Variants in LRRC4C observed in about 807,000 individuals in gnomAD.
LRRC4C encodes the protein leucine rich repeat containing 4C, also known as leucine-rich repeat-containing protein 4C.
In LRRC4C, 5 loss-of-function variants were observed where a neutral mutation model predicts 33.6. The observed-to-expected ratio is 0.15, with a 90% CI of 0.08 to 0.31. The LOEUF (loss-of-function observed/expected upper bound fraction) is 0.31. Among genes scored for constraint, LRRC4C ranks in the 10% least tolerant of loss-of-function variants. The pLI is 1.00. For synonymous variants in LRRC4C, 329 were observed against 302.0 expected (o/e 1.09, Z -0.93); for missense variants, 560 against 796.7 (o/e 0.70, Z 3.58).
chr11:40,878,898 A>G (rs1366515447), intron 2 of LRRC4C, among the ~76,000 whole-genome samples: 1 of 152,132 alleles, frequency 6.6e-6, no homozygotes, highest in Admixed American at 6.6e-5. Flanking sequence ...TCATTTTTCA[A>G]TCTTGGAAGG....
At chr11:41,187,413 A>T (rs571294225) in intron 1 of LRRC4C, among the ~76,000 whole-genome samples, 45 of 152,280 alleles carry the variant, frequency 3.0e-4, no homozygotes, top group African/African-American at 1.0e-3. Context: ...CCAGCAGACC[A>T]CAGACCAGTA....
chr11:40,720,097 C>G (rs1004681307), intron 2 of LRRC4C, among the ~76,000 whole-genome samples: 1 of 152,128 alleles, frequency 6.6e-6, no homozygotes, highest in African/African-American at 2.4e-5. Flanking sequence ...GGGACCCATT[C>G]TCCCAGGACT....
intron 3 of LRRC4C, among the ~76,000 whole-genome samples, chr11:40,602,419 A>G (rs1486061195): frequency 1.3e-5 from 2 of 152,168 alleles, no homozygotes; most frequent in African/African-American, 2.4e-5. Context: ...TTTATGAGAA[A>G]AGAATCAAAG....
At chr11:40,488,569 C>T (rs1339613967) in intron 3 of LRRC4C, among the ~76,000 whole-genome samples, 1 of 152,110 alleles carries the variant, frequency 6.6e-6, no homozygotes, top group Non-Finnish European at 1.5e-5. Context: ...TTTTATTCCT[C>T]CTACATTTGA....
At chr11:40,938,959 CAG>C (rs1958023127) in intron 1 of LRRC4C, among the ~76,000 whole-genome samples, 3 of 151,852 alleles carry the variant, frequency 2.0e-5, no homozygotes, top group Admixed American at 6.6e-5. Context: ...CTGGGACAAA[CAG>C]AGAAAATATT....
Position 40,739,007 on chromosome 11 carries a change from T to TTGTG in LRRC4C, c.-406-90733_-406-90730dup, listed in dbSNP as rs72411974. On this transcript the variant is annotated intron_variant, in intron 2 of 6. Coordinates refer to ENST00000528697, the MANE Select transcript of LRRC4C (RefSeq NM_001258419.2). ...TATCTGTCACTGCACATAATTGCTA[T>TTGTG]TGTGTGTGTGTGTGTGTGTGTATGT... Among the ~76,000 whole-genome samples the TTGTG allele has an allele frequency of 1.8e-3, 262 of 149,188 alleles. 1 individual carries two copies. The highest frequency in any genetic ancestry group is 4.7e-3 in the African/African-American group (187 of 39,768).
intron 5 of LRRC4C, among the ~76,000 whole-genome samples, chr11:40,153,203 G>A (rs1565060348): frequency 6.6e-6 from 1 of 152,178 alleles, no homozygotes; most frequent in Non-Finnish European, 1.5e-5. Context: ...AATCACTGCA[G>A]TTTGGCTCAC....
chr11:41,392,565 A>C (rs1240076172), intron 1 of LRRC4C, among the ~76,000 whole-genome samples: 2 of 151,566 alleles, frequency 1.3e-5, no homozygotes, highest in African/African-American at 2.4e-5. Context: ...AAACAAACAA[A>C]AAAAAAAACA....
intron 1 of LRRC4C, among the ~76,000 whole-genome samples, chr11:41,140,773 C>G (rs1943469621): frequency 8.0e-6 from 1 of 124,710 alleles, no homozygotes; most frequent in African/African-American, 2.9e-5. Context: ...AAATTATCCT[C>G]TCCCCTAGTT....
intron 6 of LRRC4C, among the ~76,000 whole-genome samples, chr11:40,135,331 T>C (rs1467278156): frequency 6.6e-6 from 1 of 152,242 alleles, no homozygotes; most frequent in Non-Finnish European, 1.5e-5. Flanking sequence ...GAACCAAGTT[T>C]TCTTTTTTGC....
intron 3 of LRRC4C, among the ~76,000 whole-genome samples, chr11:40,420,324 A>G (rs1565370204): frequency 6.6e-6 from 1 of 152,152 alleles, no homozygotes; most frequent in East Asian, 1.9e-4. Context: ...TCTGGAAGAC[A>G]ACAGACCCCT....
chr11:40,743,300 A>C (rs192245418), intron 2 of LRRC4C, among the ~76,000 whole-genome samples: 2 of 152,016 alleles, frequency 1.3e-5, no homozygotes, highest in Admixed American at 1.3e-4. Context: ...AATTTCTCTT[A>C]TGCTCCCCTC....
chr11:41,112,964 A>G (rs16935350), intron 1 of LRRC4C, among the ~76,000 whole-genome samples: 5,946 of 152,162 alleles, frequency 0.039, 142 homozygotes, highest in Middle Eastern at 0.071. Flanking sequence ...ATTAGCGTAT[A>G]TTGGGTTAAA....
At chr11:41,316,755 C>G (rs1449846283) in intron 1 of LRRC4C, among the ~76,000 whole-genome samples, 1 of 152,184 alleles carries the variant, frequency 6.6e-6, no homozygotes, top group Non-Finnish European at 1.5e-5. Flanking sequence ...AAAGCAGTTA[C>G]TTTAATACTT....
rs144774706 is a variant in LRRC4C, at chr11:40,701,633, A to AAT, written c.-406-53357_-406-53356dup. On this transcript the variant is annotated intron_variant, in intron 2 of 6. Coordinates refer to ENST00000528697, the MANE Select transcript of LRRC4C (RefSeq NM_001258419.2). ...TATATATGTATACATATATACATGA[A>AAT]ATATATATATATATAAAACATAAAG... 9.8e-3 allele frequency among the ~76,000 whole-genome samples: 1,452 copies of AAT among 148,034 alleles called. 68 individuals are homozygous for AAT. In the South Asian group the frequency reaches 0.14, roughly 14 times the overall value.
At chr11:40,450,681 T>C (rs899440374) in intron 3 of LRRC4C, among the ~76,000 whole-genome samples, 4 of 151,652 alleles carry the variant, frequency 2.6e-5, no homozygotes, top group African/African-American at 9.7e-5. Context: ...TTATAAGGCC[T>C]TAAAACATTC....
intron 1 of LRRC4C, among the ~76,000 whole-genome samples, chr11:41,050,094 G>T (rs1858092302): frequency 6.6e-6 from 1 of 152,122 alleles, no homozygotes; most frequent in Non-Finnish European, 1.5e-5. Context: ...CTATTAATAT[G>T]AGCATTTATT....
At chr11:41,183,016 C>G (rs1231361890) in intron 1 of LRRC4C, among the ~76,000 whole-genome samples, 1 of 152,062 alleles carries the variant, frequency 6.6e-6, no homozygotes, top group Non-Finnish European at 1.5e-5. Flanking sequence ...CATCAGATGT[C>G]ATGAGACTTC....
chr11:40,628,491 A>AAAAC (rs1963175247), intron 3 of LRRC4C, among the ~76,000 whole-genome samples: 1 of 152,026 alleles, frequency 6.6e-6, no homozygotes, highest in South Asian at 2.1e-4. Context: ...AAAACAAAAC[A>AAAAC]AAACAAAACA....
Sources: gnomAD v4.1 joint callset for allele counts (sites outside exome capture counted in the v4.1 genomes callset) on GRCh38, gnomAD v4.1.1 for gene constraint, MANE v1.5 for transcripts, NCBI Gene and HGNC (gene_info 2026-07-23, HGNC 2026-07-21) for gene names.